Variants in GRIK3 observed in about 807,000 individuals in gnomAD.
GRIK3 encodes glutamate ionotropic receptor kainate type subunit 3.
In GRIK3, 29 loss-of-function variants were observed where a neutral mutation model predicts 102.5. That is an observed-to-expected ratio of 0.28 (90% CI 0.21 to 0.39). The LOEUF (loss-of-function observed/expected upper bound fraction) is 0.39, where lower values mean the gene tolerates loss of function less well. GRIK3 is among the 10% of genes least tolerant of loss of function. GRIK3 has a pLI of 1.00. For missense variants in GRIK3, 908 were observed against 1,252.4 expected (o/e 0.73, Z 4.15); for synonymous variants, 511 against 504.9 (o/e 1.01, Z -0.16).
At chr1:36,895,981 A>T (rs1314902468) in intron 1 of GRIK3, among the ~76,000 whole-genome samples, 2 of 152,172 alleles carry the variant, frequency 1.3e-5, no homozygotes, top group African/African-American at 4.8e-5. Context: ...GAAATATATA[A>T]AGTATTGAGA....
chr1:36,933,547 A>C (rs1641620424), intron 1 of GRIK3, among the ~76,000 whole-genome samples: 1 of 152,150 alleles, frequency 6.6e-6, no homozygotes. Flanking sequence ...TTTCCTTAGA[A>C]TTATTTGTTT....
chr1:36,859,358 G>A (rs535787288), intron 6 of GRIK3, 107 bp from the exon 7 acceptor site: 89 of 1,260,374 alleles, frequency 7.1e-5, no homozygotes, highest in East Asian at 9.6e-5. Flanking sequence ...TGATGTCCTG[G>A]TGAGCGAACA....
At chr1:36,887,994 T>C (rs1216353532) in intron 2 of GRIK3, among the ~76,000 whole-genome samples, 1 of 152,002 alleles carries the variant, frequency 6.6e-6, no homozygotes, top group Non-Finnish European at 1.5e-5. Flanking sequence ...GGATAACTGT[T>C]TAGCTGAACA....
chr1:36,845,665 C>T (rs1640511858), intron 9 of GRIK3, among the ~76,000 whole-genome samples: 1 of 152,224 alleles, frequency 6.6e-6, no homozygotes, highest in Non-Finnish European at 1.5e-5. Context: ...ACAAATGCAC[C>T]ACATTTTCAG....
In GRIK3 at chr1:36,977,578, G is replaced by A. The variant is rs556617870; in HGVS notation, c.115+56416C>T. Among the ~76,000 whole-genome samples the A allele has an allele frequency of 2.0e-5, 3 of 152,150 alleles. 1 individual carries two copies. The highest frequency in any genetic ancestry group is 4.1e-4 in the South Asian group (2 of 4,824). On this transcript the variant is annotated intron_variant, in intron 1 of 15. Transcript: ENST00000373091. ...TAAGAGAATAAAGCCATTCCCCTGC[G>A]ATGCTTCCTGTGACAGCTCTGAAGG...
At position 36,872,972 on chromosome 1, in the gene GRIK3, A is replaced by G. The variant is rs1417835540; in HGVS notation, c.551-603T>C. ...TTGTGTCTCCGCCCTCGTCCTCACT[A>G]AGGGCAGTCTGCCTTGGTAAACCTT... is the stretch of plus-strand genomic sequence containing the variant. On this transcript the variant is annotated intron_variant, in intron 3 of 15. Coordinates refer to ENST00000373091, the MANE Select transcript of GRIK3 (RefSeq NM_000831.4). The surrounding 1 kb of genome is among the most constrained non-coding windows in gnomAD (Gnocchi z 5.9). Among the ~76,000 whole-genome samples, 1 of 152,184 alleles carries G rather than the reference A, an allele frequency of 6.6e-6. No individual in the cohort carries two copies. Among genetic ancestry groups the G allele is most frequent in the Non-Finnish European group, 1.5e-5 (1 of 68,038 alleles).
chr1:36,805,097 G>T lies in GRIK3; in HGVS notation c.2455C>A (p.Gln819Lys). The T allele has an allele frequency of 6.2e-7, 1 of 1,614,202 alleles. No homozygotes were observed. The highest frequency in any genetic ancestry group is 1.3e-5 in the African/African-American group (1 of 75,040). The part of the protein sequence containing the change: ...ENKEASALGI[Q>K]KIGGIFIVLA... ...ACAATGAAGATGCCCCCGATCTTCTGGATCCCCAGGGCACTGGCCTCTTTG... is the reference window on the plus strand; with the variant it reads ...ACAATGAAGATGCCCCCGATCTTCTTGATCCCCAGGGCACTGGCCTCTTTG... The change falls in exon 15 of 16, where the codon CAG becomes AAG. Residue 819 changes from glutamine (Q) to lysine (K), a missense_variant. By Grantham distance (53) the Gln-to-Lys change is moderately conservative (BLOSUM62 1). This residue lies in a region of GRIK3 where 297 missense variants were observed against 362.7 expected (regional missense o/e 0.82). Transcript: ENST00000373091.
rs1640575136 is a variant in GRIK3 at position 36,850,741 on chromosome 1, AG to A, written c.1213-318del. Among the ~76,000 whole-genome samples, 1 of 152,200 alleles carries A rather than the reference AG, an allele frequency of 6.6e-6. No homozygotes were observed. Among genetic ancestry groups the A allele is most frequent in the African/African-American group, 2.4e-5 (1 of 41,448 alleles). Reference sequence around the variant, plus strand: ...ATGCGAAGGCAGCCCCAGGGGTCTCAGGGCTGAGCAGATGCCAATCAGGGGC... The same window carrying A: ...ATGCGAAGGCAGCCCCAGGGGTCTCAGGCTGAGCAGATGCCAATCAGGGGC... On this transcript the variant is annotated intron_variant, in intron 8 of 15. Transcript: ENST00000373091. The surrounding 1 kb of genome is among the most constrained non-coding windows in gnomAD (Gnocchi z 4.0).
At chr1:37,028,649 G>A (rs1458486504) in intron 1 of GRIK3, among the ~76,000 whole-genome samples, 3 of 152,194 alleles carry the variant, frequency 2.0e-5, no homozygotes, top group African/African-American at 7.2e-5. Context: ...GGGGAGTGGG[G>A]GTAGGGGCAC....
chr1:36,927,619 T>C (rs953043371), intron 1 of GRIK3, among the ~76,000 whole-genome samples: 2 of 151,762 alleles, frequency 1.3e-5, no homozygotes, highest in African/African-American at 4.8e-5. Flanking sequence ...GAAAAAAATA[T>C]AAAAGTAAGA....
chr1:36,826,176 A>G (rs1056267670), intron 10 of GRIK3, among the ~76,000 whole-genome samples: 1 of 152,252 alleles, frequency 6.6e-6, no homozygotes, highest in African/African-American at 2.4e-5. Context: ...TAACCTATGA[A>G]CATTCAAAAA....
Position 36,802,057 on chromosome 1 carries a change from T to C in GRIK3, c.2566-12A>G. On this transcript the variant is annotated splice_polypyrimidine_tract_variant and intron_variant, in intron 15 of 15. Coordinates refer to ENST00000373091, the MANE Select transcript of GRIK3 (RefSeq NM_000831.4). ...CTGCAGAAGGAACGCTGCAGGAGGG[T>C]GGAGGAGAGGGGTCGGAAAAGGGGC... The C allele has an allele frequency of 6.3e-7, 1 of 1,596,746 alleles. No homozygotes were observed. Among genetic ancestry groups the C allele is most frequent in the Non-Finnish European group, 8.5e-7 (1 of 1,170,604 alleles).
intron 1 of GRIK3, among the ~76,000 whole-genome samples, chr1:36,946,633 T>C (rs1225409425): frequency 6.6e-6 from 1 of 152,116 alleles, no homozygotes; most frequent in Non-Finnish European, 1.5e-5. Context: ...CAAACAGTAA[T>C]AATCATAGCG....
intron 2 of GRIK3, among the ~76,000 whole-genome samples, chr1:36,889,133 C>G (rs1641074599): frequency 6.6e-6 from 1 of 151,988 alleles, no homozygotes; most frequent in African/African-American, 2.4e-5. Context: ...CTCACACACA[C>G]AGGTCAGGCT....
intron 1 of GRIK3, among the ~76,000 whole-genome samples, chr1:37,009,009 T>C (rs760037013): frequency 6.6e-6 from 1 of 152,130 alleles, no homozygotes; most frequent in Non-Finnish European, 1.5e-5. Flanking sequence ...ATTTACTTGC[T>C]GTGTGACCTT....
Position 36,823,390 on chromosome 1 carries a change from C to T in GRIK3, c.1754+2213G>A, listed in dbSNP as rs758000475. 5.9e-5 allele frequency among the ~76,000 whole-genome samples: 8 copies of T among 136,724 alleles called. No individual in the cohort carries two copies. In the South Asian group the frequency reaches 7.4e-4, roughly 13 times the overall value. The allele number at this position is 136,724 out of a possible 152,430, so 89.7% of individuals were successfully genotyped here. A position where few individuals can be genotyped will look rare whatever the true frequency, so the allele number is the denominator to read the frequency against. The stretch of plus-strand genomic sequence containing the variant: ...TTGGGAGGCTGAGGCAGGAGAATGG[C>T]GTGAACCCGGGAGGCAGAGCTTGCA... On this transcript the variant is annotated intron_variant, in intron 11 of 15. Coordinates refer to ENST00000373091, the MANE Select transcript of GRIK3 (RefSeq NM_000831.4).
At chr1:36,845,584 A>G (rs2124221137) in intron 9 of GRIK3, among the ~76,000 whole-genome samples, 1 of 152,298 alleles carries the variant, frequency 6.6e-6, no homozygotes, top group East Asian at 1.9e-4. Flanking sequence ...TGGGTTCTGA[A>G]GCTCCTTTCT....
intron 1 of GRIK3, among the ~76,000 whole-genome samples, chr1:36,892,875 C>A (rs1641132785): frequency 6.6e-6 from 1 of 152,118 alleles, no homozygotes; most frequent in Admixed American, 6.5e-5. Context: ...CATAAAGAGA[C>A]TCAAGTAGAG....
At chr1:36,997,824 C>T (rs1010227679) in intron 1 of GRIK3, among the ~76,000 whole-genome samples, 4 of 152,144 alleles carry the variant, frequency 2.6e-5, no homozygotes, top group African/African-American at 4.8e-5. Flanking sequence ...TGACCAGATA[C>T]AGCCTGGGAG....
Sources: gnomAD v4.1 joint callset for allele counts (sites outside exome capture counted in the v4.1 genomes callset) on GRCh38, gnomAD v4.1.1 for gene constraint, gnomAD v4.1.1 regional missense constraint, Gnocchi (gnomAD v3.1) non-coding constraint, MANE v1.5 for transcripts, NCBI Gene and HGNC (gene_info 2026-07-23, HGNC 2026-07-21) for gene names.